DCAF6: variants seen among roughly 807,000 people sequenced by gnomAD.
DCAF6 encodes DDB1- and CUL4-associated factor 6.
In DCAF6, 54 loss-of-function variants were observed where a neutral mutation model predicts 125.1. That is an observed-to-expected ratio of 0.43 (90% CI 0.35 to 0.54). DCAF6 has a LOEUF of 0.54. DCAF6 is among the 20% of genes least tolerant of loss of function. The probability of loss-of-function intolerance (pLI) is 0.01; values close to 1 mark genes in which losing one functional copy is unlikely to be tolerated. For synonymous variants in DCAF6, 371 were observed against 390.4 expected, an observed-to-expected ratio of 0.95 and a Z score of 0.58; for missense variants, 934 against 1,161.7, an observed-to-expected ratio of 0.80 and a Z score of 2.85.
intron 4 of DCAF6, among the ~76,000 whole-genome samples, chr1:167,982,526 A>AT (rs1035253705): frequency 6.6e-6 from 1 of 151,962 alleles, no homozygotes; most frequent in African/African-American, 2.4e-5. Context: ...CAGGCATGAC[A>AT]TTTTTTTAAG....
At chr1:168,029,446 G>A (rs1471494408) in intron 12 of DCAF6, among the ~76,000 whole-genome samples, 5 of 152,166 alleles carry the variant, frequency 3.3e-5, no homozygotes, top group African/African-American at 9.7e-5. Flanking sequence ...ACTGGGATAG[G>A]TACTAGGGTG....
At chr1:167,984,107 T>C (rs1679596423) in intron 4 of DCAF6, among the ~76,000 whole-genome samples, 1 of 152,352 alleles carries the variant, frequency 6.6e-6, no homozygotes, top group Admixed American at 6.5e-5. Context: ...GTTATTTGTC[T>C]TGAATAAATG....
At chr1:168,002,059 TAATA>T (rs1476901985) in intron 7 of DCAF6, among the ~76,000 whole-genome samples, 1 of 152,124 alleles carries the variant, frequency 6.6e-6, no homozygotes, top group Non-Finnish European at 1.5e-5. Flanking sequence ...AAATTGTCAA[TAATA>T]AATAAAAATA....
At chr1:167,999,179 G>C (rs1682221953) in intron 7 of DCAF6, among the ~76,000 whole-genome samples, 1 of 152,150 alleles carries the variant, frequency 6.6e-6, no homozygotes, top group African/African-American at 2.4e-5. Context: ...ATGCCCAGTA[G>C]TATTTTGAAA....
At chr1:167,943,155 C>T (rs1352815200) in intron 1 of DCAF6, among the ~76,000 whole-genome samples, 7 of 152,100 alleles carry the variant, frequency 4.6e-5, no homozygotes, top group South Asian at 2.1e-4. Flanking sequence ...GTGATCTGCC[C>T]GCCTTGGCCT....
chr1:167,879,093 G>T, the DCAF6 span, among the ~76,000 whole-genome samples: 1 of 152,192 alleles, frequency 6.6e-6, no homozygotes, highest in Admixed American at 6.5e-5. Flanking sequence ...TAGTAAATGG[G>T]CTAGAAGAGG....
chr1:168,075,689 A>G lies in DCAF6; in HGVS notation c.*254A>G, dbSNP rs1365930339. On this transcript the variant is annotated 3_prime_UTR_variant, in exon 22 of 22. Transcript: ENST00000367840. ...AGTGCTAGAAAATGCAAAGTGCAAT[A>G]TTTTCCCTAACCTTCAAATGTGGGA... 2.9e-6 allele frequency: 1 copy of G among 340,026 alleles called. No homozygotes were observed. Among genetic ancestry groups the G allele is most frequent in the Non-Finnish European group, 5.3e-6 (1 of 189,616 alleles). 21.1% of individuals were successfully genotyped at this position (340,026 alleles called of 1,614,324 possible). A position where few individuals can be genotyped will look rare whatever the true frequency, so the allele number is the denominator to read the frequency against.
At chr1:167,935,334 G>A (rs1174490584), upstream of DCAF6, among the ~76,000 whole-genome samples, 1 of 152,220 alleles carries the variant, frequency 6.6e-6, no homozygotes, top group Non-Finnish European at 1.5e-5. Context: ...CCTACAGTGC[G>A]ACAAACCACC....
chr1:168,003,687 A>G (rs1199484013), intron 8 of DCAF6, among the ~76,000 whole-genome samples, 183 bp from the exon 9 acceptor site: 1 of 152,182 alleles, frequency 6.6e-6, no homozygotes, highest in Admixed American at 6.5e-5. Context: ...TCACTGATAT[A>G]AACAATTACT....
At chr1:167,883,317 C>T in the DCAF6 span, 213 of 1,115,466 alleles carry the variant, frequency 1.9e-4, no homozygotes, top group South Asian at 2.5e-3. Context: ...GGATTACAGG[C>T]GTGAGCCACC....
chr1:167,896,461 C>T, the DCAF6 span: 2 of 768,612 alleles, frequency 2.6e-6, no homozygotes, highest in African/African-American at 1.7e-5. Context: ...GGAAGTAGGT[C>T]CCCTTTGTGT....
chr1:167,970,635 AATT>A (rs1420167041), intron 3 of DCAF6, among the ~76,000 whole-genome samples: 1 of 152,046 alleles, frequency 6.6e-6, no homozygotes, highest in Non-Finnish European at 1.5e-5. Flanking sequence ...TAAAAAAAAA[AATT>A]ATTATCATAA....
the DCAF6 span, among the ~76,000 whole-genome samples, chr1:167,912,962 A>T: frequency 1.8e-4 from 27 of 152,322 alleles, no homozygotes; most frequent in African/African-American, 6.0e-4. Context: ...TGTTGTTTCT[A>T]CTATATCATG....
At chr1:168,056,436 C>A in intron 17 of DCAF6, 8 of 1,275,372 alleles carry the variant, frequency 6.3e-6, no homozygotes, top group Admixed American at 4.7e-5. Context: ...CGCAGGGGTG[C>A]GGGGGTCGCA....
chr1:168,063,450 T>G (rs1691866358), intron 17 of DCAF6, among the ~76,000 whole-genome samples, 171 bp from the exon 18 acceptor site: 2 of 152,212 alleles, frequency 1.3e-5, no homozygotes, highest in South Asian at 2.1e-4. Flanking sequence ...GTAACTCAAC[T>G]AGTCTGACTT....
At chr1:167,992,599 C>T (rs1426053629) in intron 6 of DCAF6, among the ~76,000 whole-genome samples, 4 of 152,174 alleles carry the variant, frequency 2.6e-5, no homozygotes, top group Non-Finnish European at 4.4e-5. Context: ...CATGATAAGA[C>T]TTCATTTTGC....
chr1:167,888,598 C>T, the DCAF6 span, among the ~76,000 whole-genome samples: 3 of 151,840 alleles, frequency 2.0e-5, no homozygotes, highest in Non-Finnish European at 4.4e-5. Context: ...ATTTTTGGGC[C>T]GGGCGCGGTG....
chr1:167,946,081 C>T (rs11588575), intron 1 of DCAF6, among the ~76,000 whole-genome samples: 15,594 of 151,110 alleles, frequency 0.1, 890 homozygotes, highest in African/African-American at 0.14. Context: ...CTCAGCCTCC[C>T]GAGTAGCTGG....
chr1:168,039,184 A>G (rs191352337), intron 13 of DCAF6, among the ~76,000 whole-genome samples: 2 of 152,186 alleles, frequency 1.3e-5, no homozygotes. Flanking sequence ...TATCTAGATT[A>G]AAAGATATTG....
Sources: allele counts gnomAD v4.1 joint callset (sites outside exome capture counted in the v4.1 genomes callset), GRCh38; gene constraint gnomAD v4.1.1; transcripts MANE v1.5; gene names NCBI Gene and HGNC (gene_info 2026-07-23, HGNC 2026-07-21).